CUBN: variants seen among roughly 807,000 people sequenced by gnomAD.
CUBN encodes the protein 460 kDa receptor.
Under a neutral mutation model 405.3 loss-of-function variants are expected in CUBN, and 282 were observed. The ratio of observed to expected loss-of-function variants is 0.70; its 90% confidence interval spans 0.63 to 0.77. The LOEUF (loss-of-function observed/expected upper bound fraction) is 0.77, where lower values mean the gene tolerates loss of function less well. CUBN is among the 30% of genes least tolerant of loss of function. The pLI is 0.00. For missense variants in CUBN, 4,514 were observed against 4,475.2 expected (o/e 1.01, Z -0.25); for synonymous variants, 1,684 against 1,617.0 (o/e 1.04, Z -0.99).
rs578018973 is a variant in CUBN, at chr10:16,883,250, T to C, written c.8905+5167A>G. ...GCATGATTCAGAGGAGGGGGAAGCATGTACTAGTATACAGCTAAGTTCCAT... is the reference window on the plus strand; with the variant it reads ...GCATGATTCAGAGGAGGGGGAAGCACGTACTAGTATACAGCTAAGTTCCAT... On this transcript the variant is annotated intron_variant, in intron 56 of 66. Transcript: ENST00000377833. Among the ~76,000 whole-genome samples, 5 of 152,246 alleles carry C rather than the reference T, an allele frequency of 3.3e-5. No homozygotes were observed. In the Middle Eastern group the frequency reaches 0.017, roughly 518 times the overall value.
intron 28 of CUBN, among the ~76,000 whole-genome samples, chr10:16,998,534 G>C (rs1423825908): frequency 6.6e-6 from 1 of 152,162 alleles, no homozygotes; most frequent in Non-Finnish European, 1.5e-5. Context: ...ACAAATTTCT[G>C]TTGTCCCATG....
At chr10:17,121,632 C>T (rs1837044095) in intron 6 of CUBN, among the ~76,000 whole-genome samples, 1 of 151,628 alleles carries the variant, frequency 6.6e-6, no homozygotes, top group Admixed American at 6.6e-5. Context: ...ACCAACATGG[C>T]ACATGTATAC....
chr10:16,871,381 C>T (rs780823), intron 58 of CUBN, among the ~76,000 whole-genome samples: 76,367 of 149,920 alleles, frequency 0.51, 22,709 homozygotes, highest in African/African-American at 0.84. Context: ...AATAAACAAT[C>T]CATAATATGG....
intron 64 of CUBN, among the ~76,000 whole-genome samples, chr10:16,832,200 C>T (rs1252325714): frequency 1.3e-5 from 2 of 152,124 alleles, no homozygotes; most frequent in East Asian, 1.9e-4. Context: ...GGAGGGCTCT[C>T]GACGCTTCTT....
At chr10:16,886,725 T>C (rs192963726) in intron 56 of CUBN, among the ~76,000 whole-genome samples, 27 of 152,352 alleles carry the variant, frequency 1.8e-4, no homozygotes, top group Non-Finnish European at 1.8e-4. Flanking sequence ...AAGATGAAGA[T>C]GACCGAGATG....
rs116257722 is a variant in CUBN, at chr10:17,035,035, G to A, written c.4017+5998C>T. ...ATGGCTGACCACTTAACCGGACTAA[G>A]GTTTTGGGGATTCAAACTTCAAAAC... On this transcript the variant is annotated intron_variant, in intron 27 of 66. Coordinates refer to ENST00000377833, the MANE Select transcript of CUBN (RefSeq NM_001081.4). Among the ~76,000 whole-genome samples, 1,341 of 150,086 alleles carry A rather than the reference G, an allele frequency of 8.9e-3. 21 individuals are homozygous for A. Among genetic ancestry groups the A allele is most frequent in the African/African-American group, 0.031 (1,284 of 41,018 alleles).
At chr10:16,996,169 G>A (rs553472322) in intron 28 of CUBN, among the ~76,000 whole-genome samples, 5 of 152,214 alleles carry the variant, frequency 3.3e-5, no homozygotes, top group Admixed American at 2.0e-4. Flanking sequence ...CCTGGAAAAC[G>A]TAAACAAAGC....
intron 48 of CUBN, among the ~76,000 whole-genome samples, chr10:16,909,921 CAGGTGGGTTT>C (rs144839219): frequency 6.6e-6 from 1 of 152,298 alleles, no homozygotes; most frequent in East Asian, 1.9e-4. Flanking sequence ...GTCAGATAGG[CAGGTGGGTTT>C]AGAGAAATTT....
chr10:16,847,370 T>G (rs1839546800), intron 60 of CUBN, among the ~76,000 whole-genome samples: 1 of 151,932 alleles, frequency 6.6e-6, no homozygotes, highest in South Asian at 2.1e-4. Flanking sequence ...GAGAATGGCG[T>G]GAACCCGGGA....
intron 6 of CUBN, among the ~76,000 whole-genome samples, chr10:17,119,360 T>C (rs1836980028): frequency 6.6e-6 from 1 of 152,112 alleles, no homozygotes; most frequent in Non-Finnish European, 1.5e-5. Flanking sequence ...CTGTCTTAAA[T>C]CCAAAGTAAG....
intron 56 of CUBN, among the ~76,000 whole-genome samples, chr10:16,887,705 CA>C (rs1840861027): frequency 6.6e-6 from 1 of 152,136 alleles, no homozygotes; most frequent in African/African-American, 2.4e-5. Flanking sequence ...CCATATGATC[CA>C]CCAAGTTCAT....
At chr10:16,828,714 T>C (rs1420170224) in intron 66 of CUBN, 91 bp downstream of exon 66, 5 of 1,027,694 alleles carry the variant, frequency 4.9e-6, no homozygotes, top group Non-Finnish European at 1.5e-6. Flanking sequence ...AAGAGCGAGA[T>C]TCCATCTTAA....
Position 17,127,814 on chromosome 10 carries a change from A to T in CUBN, c.348+15T>A, listed in dbSNP as rs1371835012. 1.3e-6 allele frequency: 2 copies of T among 1,586,952 alleles called. No individual in the cohort carries two copies. The highest frequency in any genetic ancestry group is 3.3e-5 in the Admixed American group (2 of 59,924). ...GAGAACTCATCGGTTCTTATGACGT[A>T]GATGTCAGACTTACCTTGGAATTAA... On this transcript the variant is annotated intron_variant, in intron 3 of 66. Transcript: ENST00000377833.
intron 28 of CUBN, among the ~76,000 whole-genome samples, chr10:16,995,948 T>C (rs1833722015): frequency 6.6e-6 from 1 of 152,196 alleles, no homozygotes; most frequent in Admixed American, 6.5e-5. Context: ...TCAAGAAAGC[T>C]GTGGAACATG....
chr10:16,963,182 C>CTTT (rs1176337605), intron 31 of CUBN, among the ~76,000 whole-genome samples: 9 of 90,934 alleles, frequency 9.9e-5, no homozygotes, highest in African/African-American at 3.5e-4. Flanking sequence ...TTTTTCTTTT[C>CTTT]TTTTCTTTTT....
At chr10:17,054,683 A>G (rs1435163750) in intron 22 of CUBN, among the ~76,000 whole-genome samples, 1 of 152,088 alleles carries the variant, frequency 6.6e-6, no homozygotes, top group Non-Finnish European at 1.5e-5. Context: ...AGACACCATT[A>G]CAAAAAACTG....
chr10:16,936,162 C>T (rs1013234100), intron 39 of CUBN, among the ~76,000 whole-genome samples: 14 of 151,938 alleles, frequency 9.2e-5, no homozygotes, highest in East Asian at 1.9e-4. Flanking sequence ...TATGAAATTT[C>T]GTAATAAAAT....
intron 48 of CUBN, among the ~76,000 whole-genome samples, chr10:16,911,466 GA>G (rs1841732151): frequency 6.6e-6 from 1 of 152,122 alleles, no homozygotes; most frequent in Admixed American, 6.5e-5. Flanking sequence ...AAAAAGCAAG[GA>G]GTAGTAGAAT....
Position 17,088,364 on chromosome 10 carries a change from A to G in CUBN, c.1766-19T>C. ...CCACACTCTAAAATAAGAGGGAAAA[A>G]TAATGTTACATTTGTATAGATGCTA... On this transcript the variant is annotated intron_variant, in intron 14 of 66. Transcript: ENST00000377833. 1.3e-6 allele frequency: 2 copies of G among 1,583,644 alleles called. No homozygotes were observed. The highest frequency in any genetic ancestry group is 1.3e-5 in the African/African-American group (1 of 74,318).
Sources: gnomAD v4.1 joint callset for allele counts (sites outside exome capture counted in the v4.1 genomes callset) on GRCh38, gnomAD v4.1.1 for gene constraint, MANE v1.5 for transcripts, NCBI Gene and HGNC (gene_info 2026-07-23, HGNC 2026-07-21) for gene names.